The following DCUN1D2 variants were observed in gnomAD, a reference collection of about 807,000 sequenced individuals.
DCUN1D2 encodes defective in cullin neddylation 1 domain containing 2, also known as DCN1-like protein 2.
Under a neutral mutation model 30.9 loss-of-function variants are expected in DCUN1D2, and 29 were observed. The ratio of observed to expected loss-of-function variants is 0.94; its 90% CI spans 0.70 to 1.28. DCUN1D2 has a LOEUF of 1.28. DCUN1D2 is among the 50% of genes most tolerant of loss of function. The probability of loss-of-function intolerance (pLI) is 0.00; values close to 1 mark genes in which losing one functional copy is unlikely to be tolerated. For synonymous variants in DCUN1D2, 121 were observed against 115.3 expected (o/e 1.05, Z -0.32); for missense variants, 325 against 316.9 (o/e 1.03, Z -0.19).
At chr13:113,471,226 G>GGACCCAACTCCACAGAA (rs1488415418) in intron 4 of DCUN1D2, among the ~76,000 whole-genome samples, 1 of 141,186 alleles carries the variant, frequency 7.1e-6, no homozygotes, top group East Asian at 2.1e-4. Flanking sequence ...ACTCCACAGG[G>GGACCCAACTCCACAGAA]GACCCAACTC....
At chr13:113,474,362 C>A in intron 3 of DCUN1D2, 108 bp from the exon 4 acceptor site, 1 of 1,448,082 alleles carries the variant, frequency 6.9e-7, no homozygotes, top group Non-Finnish European at 9.3e-7. Flanking sequence ...CAGCTGGAGA[C>A]CGTATTTCCC....
At chr13:113,470,941 A>ACAACTCCACAGGGGACC (rs1566497984) in intron 4 of DCUN1D2, among the ~76,000 whole-genome samples, 1 of 55,642 alleles carries the variant, frequency 1.8e-5, no homozygotes, top group Non-Finnish European at 3.8e-5. Context: ...CACAGAAGAC[A>ACAACTCCACAGGGGACC]CAACTCCACA....
chr13:113,485,338 T>C (rs2044783132), intron 1 of DCUN1D2, among the ~76,000 whole-genome samples: 1 of 151,918 alleles, frequency 6.6e-6, no homozygotes. Flanking sequence ...TTAACAAAAG[T>C]ATATAGAAGG....
intron 3 of DCUN1D2, among the ~76,000 whole-genome samples, chr13:113,480,050 A>G (rs925063962): frequency 5.3e-5 from 8 of 152,232 alleles, no homozygotes; most frequent in African/African-American, 1.9e-4. Flanking sequence ...TAGTTCAGTA[A>G]GCTTAATGAT....
chr13:113,481,751 GCT>G (rs982305793), intron 2 of DCUN1D2, among the ~76,000 whole-genome samples: 2 of 151,960 alleles, frequency 1.3e-5, no homozygotes, highest in Non-Finnish European at 2.9e-5. Context: ...GGGCGGGGTG[GCT>G]CACGCCTATA....
chr13:113,461,814 G>T (rs539735484), intron 4 of DCUN1D2, among the ~76,000 whole-genome samples: 119 of 152,334 alleles, frequency 7.8e-4, no homozygotes, highest in African/African-American at 2.6e-3. Flanking sequence ...ATGTCTAATA[G>T]AATATGAATG....
chr13:113,489,139 T>G, intron 1 of DCUN1D2: 1 of 985,438 alleles, frequency 1.0e-6, no homozygotes, highest in Non-Finnish European at 1.2e-6. Flanking sequence ...CGTAAGTTTA[T>G]GGATCACTTT....
chr13:113,473,202 C>T (rs1200255568), intron 4 of DCUN1D2, among the ~76,000 whole-genome samples: 2 of 151,202 alleles, frequency 1.3e-5, no homozygotes, highest in African/African-American at 4.9e-5. Context: ...CTCTGCCCTT[C>T]TGTGCCTGCA....
In DCUN1D2 at chr13:113,466,956, G is replaced by A. The variant is rs373642592; in HGVS notation, c.521-5820C>T. Among the ~76,000 whole-genome samples, 8 of 151,944 alleles carry A rather than the reference G, an allele frequency of 5.3e-5. No homozygotes were observed. In the East Asian group the frequency reaches 5.8e-4, roughly 11 times the overall value. ...TGAGTAGCTGGGACTACAGGCGCCC[G>A]CCACCACGCCCGGCTAATTTTTTAT... On this transcript the variant is annotated intron_variant, in intron 4 of 6. Coordinates refer to ENST00000478244, the MANE Select transcript of DCUN1D2 (RefSeq NM_001014283.2).
intron 4 of DCUN1D2, among the ~76,000 whole-genome samples, chr13:113,465,500 A>T (rs1947820372): frequency 1.5e-5 from 2 of 135,944 alleles, no homozygotes; most frequent in South Asian, 2.2e-4. Flanking sequence ...AGAGAGAAGT[A>T]AAAAAAAAAA....
Position 113,490,356 on chromosome 13 carries a change from C to G in DCUN1D2, c.3+311G>C. 1 of 273,680 alleles carries G rather than the reference C, an allele frequency of 3.7e-6. No homozygotes were observed. Among genetic ancestry groups the G allele is most frequent in the Non-Finnish European group, 6.8e-6 (1 of 146,518 alleles). 17.0% of individuals were successfully genotyped at this position (273,680 alleles called of 1,614,324 possible). ...TTTCGAAGCCGCCCTGGGAAGCCCC[C>G]GGCCTGGGTTCCCGCTCGGCCCCGG... On this transcript the variant is annotated intron_variant, in intron 1 of 6. Transcript: ENST00000478244. The surrounding 1 kb of genome is among the most constrained non-coding windows in gnomAD (Gnocchi z 5.2).
chr13:113,481,561 G>A (rs1464650086), intron 2 of DCUN1D2, among the ~76,000 whole-genome samples: 1 of 152,188 alleles, frequency 6.6e-6, no homozygotes, highest in East Asian at 1.9e-4. Context: ...CATTTAAGTA[G>A]TATACTACCA....
intron 4 of DCUN1D2, among the ~76,000 whole-genome samples, chr13:113,468,438 G>C (rs2044444287): frequency 6.6e-6 from 1 of 152,170 alleles, no homozygotes; most frequent in African/African-American, 2.4e-5. Flanking sequence ...AGATGAGAAA[G>C]TTCTGGGAAT....
intron 4 of DCUN1D2, chr13:113,462,853 A>G (rs758562954): frequency 8.0e-7 from 1 of 1,257,744 alleles, no homozygotes; most frequent in East Asian, 5.6e-5. Flanking sequence ...AACTCATCTT[A>G]ATGATGTAAA....
chr13:113,489,606 C>T (rs1453790393), intron 1 of DCUN1D2, among the ~76,000 whole-genome samples: 1 of 152,118 alleles, frequency 6.6e-6, no homozygotes, highest in African/African-American at 2.4e-5. Flanking sequence ...CCTCCACTCC[C>T]CTCTACACGT....
At chr13:113,468,152 G>A (rs1332583719) in intron 4 of DCUN1D2, among the ~76,000 whole-genome samples, 2 of 151,506 alleles carry the variant, frequency 1.3e-5, no homozygotes, top group Non-Finnish European at 2.9e-5. Flanking sequence ...AAAAGCAACC[G>A]AAGTGTCCAC....
intron 6 of DCUN1D2, among the ~76,000 whole-genome samples, 179 bp from the exon 7 acceptor site, chr13:113,458,287 C>T (rs762761669): frequency 2.6e-5 from 4 of 152,234 alleles, no homozygotes; most frequent in African/African-American, 4.8e-5. Flanking sequence ...CCTAGCACGG[C>T]CAGGTCGGGA....
At chr13:113,479,848 T>C (rs2044677332) in intron 3 of DCUN1D2, among the ~76,000 whole-genome samples, 1 of 152,236 alleles carries the variant, frequency 6.6e-6, no homozygotes, top group South Asian at 2.1e-4. Flanking sequence ...CTGGATGCGC[T>C]ATGCTTTTTA....
At chr13:113,461,362 T>G (rs575674530) in intron 4 of DCUN1D2, among the ~76,000 whole-genome samples, 73 of 152,364 alleles carry the variant, frequency 4.8e-4, no homozygotes, top group African/African-American at 1.6e-3. Flanking sequence ...TTAAGTTATT[T>G]GGATATGCAC....
Sources: allele counts gnomAD v4.1 joint callset (sites outside exome capture counted in the v4.1 genomes callset), GRCh38; gene constraint gnomAD v4.1.1; non-coding constraint Gnocchi (gnomAD v3.1); transcripts MANE v1.5; gene names NCBI Gene and HGNC (gene_info 2026-07-23, HGNC 2026-07-21).